The following COL21A1 variants were observed in gnomAD, a reference collection of about 807,000 sequenced individuals.
COL21A1 encodes the protein collagen alpha-1(XXI) chain.
Under a neutral mutation model 137.9 loss-of-function variants are expected in COL21A1, and 149 were observed. The observed-to-expected ratio is 1.08, with a 90% CI of 0.95 to 1.24. The LOEUF is 1.24. Ranked by LOEUF, COL21A1 falls within the 50% of genes most tolerant of loss-of-function variation. The pLI, the probability that COL21A1 is intolerant of heterozygous loss-of-function variation, is 0.00. For synonymous variants in COL21A1, 456 were observed against 391.5 expected (o/e 1.16, Z -1.95); for missense variants, 1,167 against 1,158.4 (o/e 1.01, Z -0.11).
At chr6:56,060,418 C>A in intron 27 of COL21A1, 200 bp from the exon 28 acceptor site, 1 of 530,748 alleles carries the variant, frequency 1.9e-6, no homozygotes, top group Non-Finnish European at 3.2e-6. Flanking sequence ...AGAGCAATTG[C>A]TTAAAATAGG....
chr6:56,060,622 T>C, intron 27 of COL21A1, 119 bp downstream of exon 27: 1 of 679,052 alleles, frequency 1.5e-6, no homozygotes, highest in Non-Finnish European at 2.3e-6. Context: ...TAGATGAGGC[T>C]TATAAATGTT....
In COL21A1 at chr6:56,057,727, A is replaced by T; in HGVS notation, c.2804T>A (p.Ile935Asn). ...GIQGQPGPPG[I>N]CDPSLCFSVI... ...ACTAAAACATAGTGATGGGTCGCAG[A>T]TGCCTGGGGGGCCTGGTTGCCCTTG... Residue 935 changes from isoleucine (I) to asparagine (N), a missense_variant, in exon 30 of 30, where the codon ATC becomes AAC. By Grantham distance (149) the Ile-to-Asn change is moderately radical. Transcript: ENST00000244728. 1 of 1,613,024 alleles carries T rather than the reference A, an allele frequency of 6.2e-7. No individual in the cohort carries two copies. The highest frequency in any genetic ancestry group is 8.5e-7 in the Non-Finnish European group (1 of 1,179,508).
chr6:56,207,517 T>C (rs9475631), intron 1 of COL21A1, among the ~76,000 whole-genome samples: 3,326 of 152,100 alleles, frequency 0.022, 122 homozygotes, highest in African/African-American at 0.076. Context: ...AGACCAATAA[T>C]AAGTTCTGAA....
At chr6:56,076,392 G>T (rs1003302750) in intron 18 of COL21A1, among the ~76,000 whole-genome samples, 6 of 151,302 alleles carry the variant, frequency 4.0e-5, no homozygotes, top group Non-Finnish European at 7.4e-5. Context: ...ACAGGAATGA[G>T]AATAATAAGT....
At chr6:56,342,201 C>T (rs1046406052) in intron 1 of COL21A1, among the ~76,000 whole-genome samples, 2 of 152,036 alleles carry the variant, frequency 1.3e-5, no homozygotes, top group Non-Finnish European at 2.9e-5. Flanking sequence ...TGCTGTACCT[C>T]GGGGAAAGGG....
intron 1 of COL21A1, among the ~76,000 whole-genome samples, chr6:56,234,798 T>G (rs138123355): frequency 6.6e-6 from 1 of 151,814 alleles, no homozygotes; most frequent in Non-Finnish European, 1.5e-5. Flanking sequence ...CTCATATTCA[T>G]CTCTTAAAAG....
rs529843156 is a variant in COL21A1, at chr6:56,325,137, C to T, written c.-39+68834G>A. On this transcript the variant is annotated intron_variant, in intron 1 of 28. Transcript: ENST00000370819. ...TCAGGGTCTTTATTCTACATGAAGC[C>T]TCCTATGTTGCATAAAATTTATCAA... Among the ~76,000 whole-genome samples the T allele has an allele frequency of 9.4e-4, 139 of 147,664 alleles. 4 individuals are homozygous for T. The South Asian group carries it at 0.029, about 31-fold the overall frequency.
intron 1 of COL21A1, among the ~76,000 whole-genome samples, chr6:56,256,102 G>A (rs7760380): frequency 6.6e-6 from 1 of 151,982 alleles, no homozygotes; most frequent in Non-Finnish European, 1.5e-5. Flanking sequence ...TGAGACGTTA[G>A]CCCATTAAAT....
At chr6:56,360,184 G>A (rs993137501) in intron 1 of COL21A1, among the ~76,000 whole-genome samples, 2 of 152,122 alleles carry the variant, frequency 1.3e-5, no homozygotes, top group Admixed American at 6.5e-5. Flanking sequence ...AGGGAGGGTC[G>A]TGTCACATCT....
chr6:56,187,413 G>A (rs1215438621), intron 1 of COL21A1, among the ~76,000 whole-genome samples: 2 of 152,030 alleles, frequency 1.3e-5, no homozygotes, highest in African/African-American at 2.4e-5. Flanking sequence ...TTTCAGAGGG[G>A]GCAAACATCC....
chr6:56,072,938 A>C (rs930006858), intron 20 of COL21A1, among the ~76,000 whole-genome samples: 1 of 151,546 alleles, frequency 6.6e-6, no homozygotes, highest in African/African-American at 2.4e-5. Flanking sequence ...TTCATGTAAA[A>C]ATAAACAAAC....
intron 12 of COL21A1, among the ~76,000 whole-genome samples, chr6:56,137,758 G>A (rs556669608): frequency 1.5e-5 from 2 of 131,242 alleles, no homozygotes. Flanking sequence ...CAGGACAGAA[G>A]AGGAATAACA....
At chr6:56,144,249 T>G (rs1774656655) in intron 10 of COL21A1, among the ~76,000 whole-genome samples, 1 of 152,216 alleles carries the variant, frequency 6.6e-6, no homozygotes, top group Admixed American at 6.5e-5. Flanking sequence ...TTGAGTAACT[T>G]GCCCAAAGTT....
chr6:56,185,522 G>A (rs1183251134), intron 1 of COL21A1, among the ~76,000 whole-genome samples: 1 of 133,202 alleles, frequency 7.5e-6, no homozygotes, highest in Admixed American at 8.6e-5. Flanking sequence ...TGCAAGCTCC[G>A]CTTCCCGGGT....
chr6:56,182,470 CTAGTT>C lies in COL21A1; in HGVS notation c.88+56_88+60del, dbSNP rs976799024. The C allele has an allele frequency of 5.1e-5, 56 of 1,088,356 alleles. No individual in the cohort carries two copies. The African/African-American group carries it at 7.5e-4, about 15-fold the overall frequency. 67.4% of individuals were successfully genotyped at this position (1,088,356 alleles called of 1,614,324 possible). ...CCTTAAAACCATTACTTGAACTCCC[CTAGTT>C]TAATTTCCAGATTAATTTGTTGATA... is the stretch of plus-strand genomic sequence containing the variant. On this transcript the variant is annotated intron_variant, in intron 2 of 29. Coordinates refer to ENST00000244728, the MANE Select transcript of COL21A1 (RefSeq NM_030820.4).
intron 16 of COL21A1, among the ~76,000 whole-genome samples, chr6:56,111,123 G>A: frequency 6.9e-6 from 1 of 145,710 alleles, no homozygotes; most frequent in South Asian, 2.2e-4. Flanking sequence ...TGATAAAAAG[G>A]ACACTTGAAC....
intron 17 of COL21A1, among the ~76,000 whole-genome samples, chr6:56,095,107 A>T (rs1322120348): frequency 6.6e-6 from 1 of 152,162 alleles, no homozygotes; most frequent in African/African-American, 2.4e-5. Flanking sequence ...TTTTATTGAA[A>T]TTTTATTAAT....
At chr6:56,151,143 A>C (rs146934946) in intron 10 of COL21A1, among the ~76,000 whole-genome samples, 5,364 of 151,918 alleles carry the variant, frequency 0.035, 241 homozygotes, top group African/African-American at 0.1. Context: ...GGAGAATGGC[A>C]TGAACCCAGG....
intron 1 of COL21A1, among the ~76,000 whole-genome samples, chr6:56,242,981 A>G (rs1224458921): frequency 6.6e-6 from 1 of 152,224 alleles, no homozygotes; most frequent in East Asian, 1.9e-4. Context: ...TGTACTAAGT[A>G]GGATTAAAGT....
Sources: allele counts gnomAD v4.1 joint callset (sites outside exome capture counted in the v4.1 genomes callset), GRCh38; gene constraint gnomAD v4.1.1; transcripts MANE v1.5; gene names NCBI Gene and HGNC (gene_info 2026-07-23, HGNC 2026-07-21).